Variants in SLC10A1 observed in about 807,000 individuals in gnomAD.
The protein encoded by SLC10A1 is hepatic sodium/bile acid cotransporter.
A neutral mutation model predicts 20.5 loss-of-function variants in SLC10A1; 36 were observed. The observed-to-expected ratio is 1.75, with a 90% CI of 1.34 to 2.32. The LOEUF is 2.32. SLC10A1 is among the 30% of genes most tolerant of loss of function. The probability of loss-of-function intolerance (pLI) is 0.00; values close to 1 mark genes in which losing one functional copy is unlikely to be tolerated. For synonymous variants in SLC10A1, 188 were observed against 163.6 expected (o/e 1.15, Z -1.14); for missense variants, 545 against 439.1 (o/e 1.24, Z -2.16).
intron 1 of SLC10A1, among the ~76,000 whole-genome samples, chr14:69,791,930 C>G (rs1883851207): frequency 6.6e-6 from 1 of 151,860 alleles, no homozygotes; most frequent in East Asian, 1.9e-4. Context: ...AGGGTAATAT[C>G]TTTGTAACTT....
rs1883704439 is a variant in SLC10A1, at chr14:69,786,087, A to T, written c.567+10T>A. Reference sequence around the variant, plus strand: ...TTTGCCCTAATTTGTCAAGCCTCCCAGGTTCTTACCTTGATGACATAGCGC... The same window carrying T: ...TTTGCCCTAATTTGTCAAGCCTCCCTGGTTCTTACCTTGATGACATAGCGC... On this transcript the variant is annotated intron_variant, in intron 2 of 4. Transcript: ENST00000216540. 1.9e-6 allele frequency: 3 copies of T among 1,612,134 alleles called. No homozygotes were observed. The highest frequency in any genetic ancestry group is 2.5e-6 in the Non-Finnish European group (3 of 1,178,310).
At chr14:69,790,797 C>T (rs1243812392) in intron 1 of SLC10A1, among the ~76,000 whole-genome samples, 1 of 151,814 alleles carries the variant, frequency 6.6e-6, no homozygotes, top group Admixed American at 6.6e-5. Context: ...CACAGCAAAA[C>T]AAGAAATAGA....
intron 2 of SLC10A1, among the ~76,000 whole-genome samples, chr14:69,779,903 T>A (rs1883551049): frequency 6.6e-6 from 1 of 152,250 alleles, no homozygotes; most frequent in Admixed American, 6.5e-5. Flanking sequence ...TTCCACATAC[T>A]TTGAAACTCA....
At chr14:69,783,630 TTAAAC>T (rs1883647532) in intron 2 of SLC10A1, among the ~76,000 whole-genome samples, 1 of 152,130 alleles carries the variant, frequency 6.6e-6, no homozygotes, top group South Asian at 2.1e-4. Context: ...ATTAAGGAGT[TTAAAC>T]TATCCTAGGG....
intron 2 of SLC10A1, among the ~76,000 whole-genome samples, chr14:69,783,077 T>C (rs1440149804): frequency 6.6e-6 from 1 of 152,208 alleles, no homozygotes; most frequent in African/African-American, 2.4e-5. Flanking sequence ...TAGGATTTTT[T>C]AAAAAAGCAA....
rs148905100 is a variant in SLC10A1 at position 69,797,071 on chromosome 14, C to A, written c.85G>T (p.Val29Phe). ...GKRPTDLALS[V>F]ILVFMLFFIM... ...AAGAACAACATGAACACCAGGATGA[C>A]GCTCAGTGCCAGGTCTGTGGGGCGC... Residue 29 changes from valine to phenylalanine, a missense_variant, in exon 1 of 5, where the codon GTC becomes TTC. By Grantham distance (50) the Val-to-Phe change is conservative. Coordinates refer to ENST00000216540, the MANE Select transcript of SLC10A1 (RefSeq NM_003049.4). The A allele has an allele frequency of 6.2e-7, 1 of 1,614,152 alleles. No homozygotes were observed. The highest frequency in any genetic ancestry group is 2.2e-5 in the East Asian group (1 of 44,876).
chr14:69,786,889 T>C (rs765908382), intron 1 of SLC10A1, among the ~76,000 whole-genome samples: 2 of 152,170 alleles, frequency 1.3e-5, no homozygotes, highest in Non-Finnish European at 2.9e-5. Flanking sequence ...CACTTGGTCT[T>C]TGGGGATGGG....
intron 1 of SLC10A1, among the ~76,000 whole-genome samples, chr14:69,793,040 A>G (rs1882310477): frequency 6.6e-6 from 1 of 152,202 alleles, no homozygotes; most frequent in Non-Finnish European, 1.5e-5. Context: ...GATTGGGAAT[A>G]GGAATACAGG....
intron 3 of SLC10A1, among the ~76,000 whole-genome samples, chr14:69,778,904 C>G (rs1883516859): frequency 6.6e-6 from 1 of 152,168 alleles, no homozygotes; most frequent in East Asian, 1.9e-4. Flanking sequence ...GTGGCTCACA[C>G]CTGTAATCCT....
intron 2 of SLC10A1, among the ~76,000 whole-genome samples, 188 bp downstream of exon 2, chr14:69,785,909 C>T (rs1276316449): frequency 6.6e-6 from 1 of 151,926 alleles, no homozygotes; most frequent in African/African-American, 2.4e-5. Context: ...ACGCCAGCCT[C>T]ATGTGTTACT....
At chr14:69,780,558 T>G (rs1594761086) in intron 2 of SLC10A1, among the ~76,000 whole-genome samples, 1 of 152,236 alleles carries the variant, frequency 6.6e-6, no homozygotes, top group East Asian at 1.9e-4. Context: ...TTCAGTGGCA[T>G]TAAGTACATT....
chr14:69,797,168 C>T lies in SLC10A1; in HGVS notation c.-13G>A, dbSNP rs202212735. 1.3e-6 allele frequency: 2 copies of T among 1,592,096 alleles called. No homozygotes were observed. The highest frequency in any genetic ancestry group is 2.3e-5 in the South Asian group (2 of 87,444). On this transcript the variant is annotated 5_prime_UTR_variant, in exon 1 of 5. Coordinates refer to ENST00000216540, the MANE Select transcript of SLC10A1 (RefSeq NM_003049.4). Reference sequence around the variant, plus strand: ...TGTGGGCCTCCATCCTCCTGTGAGGCAGTGGAAGACCACTCCTTGTTCTCC... The same window carrying T: ...TGTGGGCCTCCATCCTCCTGTGAGGTAGTGGAAGACCACTCCTTGTTCTCC...
rs201749991 is a variant in SLC10A1 at position 69,779,181 on chromosome 14, C to T, written c.746+1G>A. ...TTCTTAAAAAAAAAAAAAATACCTA[C>T]CGTCCATTGAGGCAGAAGAGAGCAG... On this transcript the variant is annotated splice_donor_variant, in intron 3 of 4. Coordinates refer to ENST00000216540, the MANE Select transcript of SLC10A1 (RefSeq NM_003049.4). LOFTEE classifies it high-confidence loss of function. The T allele has an allele frequency of 2.6e-5, 41 of 1,580,406 alleles. 1 individual carries two copies. In the South Asian group the frequency reaches 4.8e-4, roughly 19 times the overall value.
chr14:69,796,744 G>T, intron 1 of SLC10A1, 56 bp downstream of exon 1: 2 of 1,394,824 alleles, frequency 1.4e-6, no homozygotes, highest in South Asian at 2.6e-5. Flanking sequence ...CCTCAATTGT[G>T]ACATATCTAA....
Position 69,796,998 on chromosome 14 carries a change from G to A in SLC10A1, c.158C>T (p.Ala53Val), listed in dbSNP as rs747232905. The A allele has an allele frequency of 6.2e-7, 1 of 1,614,234 alleles. No homozygotes were observed. The highest frequency in any genetic ancestry group is 8.5e-7 in the Non-Finnish European group (1 of 1,180,034). Residue 53 changes from alanine to valine, a missense_variant, in exon 1 of 5, where the codon GCT becomes GTT. Ala to Val is a moderately conservative substitution (Grantham distance 64). Coordinates refer to ENST00000216540, the MANE Select transcript of SLC10A1 (RefSeq NM_003049.4). ...GCTMEFSKIK[A>V]HLWKPKGLAI... ...CAGCCCTTTAGGCTTCCATAAGTGA[G>A]CCTTGATCTTGCTGAACTCCATGGT...
intron 4 of SLC10A1, among the ~76,000 whole-genome samples, chr14:69,777,318 C>CTAAT: frequency 1.3e-5 from 2 of 152,286 alleles, no homozygotes; most frequent in Admixed American, 1.3e-4. Flanking sequence ...GCTTGGCAAC[C>CTAAT]TAATTACATC....
rs4646293 is a variant in SLC10A1 at position 69,777,578 on chromosome 14, GT to G, written c.943+754del. ...GTTATAAAGTGGGTTTGAATGTCCT[GT>G]TTTTTTTTTTTTTTTTTTTTTTTTT... On this transcript the variant is annotated intron_variant, in intron 4 of 4. Transcript: ENST00000216540. Among the ~76,000 whole-genome samples, 5 of 72,446 alleles carry G rather than the reference GT, an allele frequency of 6.9e-5. No homozygotes were observed. In the East Asian group the frequency reaches 1.4e-3, roughly 20 times the overall value. 47.5% of individuals were successfully genotyped at this position (72,446 alleles called of 152,430 possible).
intron 1 of SLC10A1, among the ~76,000 whole-genome samples, chr14:69,786,663 G>T (rs1412854286): frequency 6.6e-6 from 1 of 152,156 alleles, no homozygotes; most frequent in Admixed American, 6.5e-5. Context: ...CCCATGCCAA[G>T]CCCATTTTGT....
At chr14:69,779,053 TG>T in intron 3 of SLC10A1, 128 bp downstream of exon 3, 3 of 656,720 alleles carry the variant, frequency 4.6e-6, no homozygotes, top group Non-Finnish European at 7.4e-6. Context: ...CCCAGTTACT[TG>T]GGGGGCTGAG....
Sources: allele counts gnomAD v4.1 joint callset (sites outside exome capture counted in the v4.1 genomes callset), GRCh38; gene constraint gnomAD v4.1.1; transcripts MANE v1.5; gene names NCBI Gene and HGNC (gene_info 2026-07-23, HGNC 2026-07-21).